Variants in ERC2 observed in about 807,000 individuals in gnomAD.
ERC2 encodes ELKS/RAB6-interacting/CAST family member 2.
A neutral mutation model predicts 114.8 loss-of-function variants in ERC2; 42 were observed. That is an observed-to-expected ratio of 0.37 (90% CI 0.29 to 0.47). The LOEUF (loss-of-function observed/expected upper bound fraction) is 0.47. ERC2 is among the 20% of genes least tolerant of loss of function. The pLI, the probability that ERC2 is intolerant of heterozygous loss-of-function variation, is 0.99. For synonymous variants in ERC2, 454 were observed against 425.5 expected, an observed-to-expected ratio of 1.07 and a Z score of -0.82; for missense variants, 939 against 1,150.7, an observed-to-expected ratio of 0.82 and a Z score of 2.66.
At chr3:55,571,366 C>G (rs2056703744) in intron 17 of ERC2, among the ~76,000 whole-genome samples, 1 of 152,078 alleles carries the variant, frequency 6.6e-6, no homozygotes, top group Admixed American at 6.5e-5. Context: ...TGACTTGGAG[C>G]TCACCTTTTA....
chr3:56,088,715 C>T (rs1424232687), intron 6 of ERC2, among the ~76,000 whole-genome samples: 1 of 152,064 alleles, frequency 6.6e-6, no homozygotes, highest in East Asian at 1.9e-4. Flanking sequence ...ATAACAATGG[C>T]CTTTCAAATG....
intron 12 of ERC2, among the ~76,000 whole-genome samples, chr3:55,978,356 C>T (rs1218410975): frequency 6.6e-6 from 1 of 152,160 alleles, no homozygotes; most frequent in Non-Finnish European, 1.5e-5. Context: ...TCTATGTTCA[C>T]TTATTCATAT....
chr3:56,398,384 G>A (rs1344990395), intron 2 of ERC2, among the ~76,000 whole-genome samples: 1 of 152,090 alleles, frequency 6.6e-6, no homozygotes, highest in Admixed American at 6.6e-5. Flanking sequence ...GAAAAGTAGG[G>A]TTGCCAGATA....
intron 3 of ERC2, among the ~76,000 whole-genome samples, chr3:56,192,921 A>G (rs1000282531): frequency 6.6e-6 from 1 of 152,202 alleles, no homozygotes; most frequent in African/African-American, 2.4e-5. Context: ...CCCACTAAGT[A>G]GTACCACTAA....
At chr3:55,727,968 C>G (rs1357329533) in intron 15 of ERC2, among the ~76,000 whole-genome samples, 2 of 152,176 alleles carry the variant, frequency 1.3e-5, no homozygotes, top group Non-Finnish European at 2.9e-5. Context: ...CAGGCCTCAT[C>G]TTCTCTATCA....
chr3:56,334,915 G>A (rs760106123), intron 2 of ERC2, among the ~76,000 whole-genome samples: 12 of 152,116 alleles, frequency 7.9e-5, no homozygotes, highest in Non-Finnish European at 1.3e-4. Context: ...GGTGATCCTC[G>A]TGCCTCAGTC....
chr3:56,186,816 G>A (rs1161456625), intron 3 of ERC2, among the ~76,000 whole-genome samples: 1 of 152,144 alleles, frequency 6.6e-6, no homozygotes, highest in African/African-American at 2.4e-5. Context: ...TGGGATTACA[G>A]GCATAAGCCA....
At chr3:55,590,068 CA>C (rs1476460040) in intron 17 of ERC2, among the ~76,000 whole-genome samples, 4 of 152,122 alleles carry the variant, frequency 2.6e-5, no homozygotes, top group East Asian at 1.9e-4. Context: ...TAAGACAATA[CA>C]TTTTTTTGAA....
intron 3 of ERC2, among the ~76,000 whole-genome samples, chr3:56,195,731 G>A (rs531607588): frequency 3.2e-4 from 48 of 152,160 alleles, no homozygotes; most frequent in African/African-American, 1.1e-3. Flanking sequence ...GGACTCTGAG[G>A]CAGGAAGATC....
intron 7 of ERC2, among the ~76,000 whole-genome samples, chr3:56,032,903 GAA>G (rs2074470245): frequency 1.5e-3 from 56 of 36,728 alleles, no homozygotes; most frequent in Middle Eastern, 0.011. Flanking sequence ...GAGAGAGACA[GAA>G]AGAAAGAAAG....
chr3:56,119,344 A>C (rs2079441183), intron 6 of ERC2, among the ~76,000 whole-genome samples: 1 of 152,236 alleles, frequency 6.6e-6, no homozygotes, highest in African/African-American at 2.4e-5. Context: ...GGATCATGTG[A>C]AATTGACTTG....
intron 14 of ERC2, among the ~76,000 whole-genome samples, chr3:55,838,940 G>T (rs1040824459): frequency 6.6e-6 from 1 of 151,680 alleles, no homozygotes; most frequent in East Asian, 1.9e-4. Flanking sequence ...ACTCATGAAG[G>T]TACCATAAAA....
At chr3:56,338,988 A>G (rs1249511641) in intron 2 of ERC2, among the ~76,000 whole-genome samples, 1 of 152,196 alleles carries the variant, frequency 6.6e-6, no homozygotes, top group Non-Finnish European at 1.5e-5. Context: ...AGAGTAGCAA[A>G]GGCCAGCAAA....
In ERC2 at chr3:55,856,335, C is replaced by T. The variant is rs987789446; in HGVS notation, c.2564+32054G>A. Among the ~76,000 whole-genome samples, 11 of 152,146 alleles carry T rather than the reference C, an allele frequency of 7.2e-5. No homozygotes were observed. The East Asian group carries it at 7.7e-4, about 11-fold the overall frequency. Reference sequence around the variant, plus strand: ...GGGTTTGAAAGAGAGAAAGACCAAACGATAAACTATAGATCAGGAAGAATT... The same window carrying T: ...GGGTTTGAAAGAGAGAAAGACCAAATGATAAACTATAGATCAGGAAGAATT... On this transcript the variant is annotated intron_variant, in intron 14 of 17. Transcript: ENST00000288221.
chr3:56,393,607 T>C (rs756706202), intron 2 of ERC2, among the ~76,000 whole-genome samples: 2 of 152,192 alleles, frequency 1.3e-5, no homozygotes, highest in African/African-American at 4.8e-5. Context: ...AAACCAAAGA[T>C]TAAATCTGTC....
intron 2 of ERC2, among the ~76,000 whole-genome samples, chr3:56,432,427 C>G (rs912102272): frequency 3.9e-5 from 6 of 152,160 alleles, no homozygotes; most frequent in Admixed American, 6.5e-5. Context: ...ATTGTACAAA[C>G]AGGTTCATAA....
At position 55,561,175 on chromosome 3, in the gene ERC2, G is replaced by C. The variant is rs535860270; in HGVS notation, c.*40-49899C>G. Among the ~76,000 whole-genome samples the C allele has an allele frequency of 1.9e-4, 28 of 150,836 alleles. 1 individual carries two copies. The highest frequency in any genetic ancestry group is 6.8e-4 in the African/African-American group (28 of 40,884). ...TTCTTTAAAAAAAAAAAAAAATTAA[G>C]AGCAAGAAGAAAAACTTTGGGCTAG... is the stretch of plus-strand genomic sequence containing the variant. On this transcript the variant is annotated intron_variant, in intron 17 of 17. Transcript: ENST00000288221.
At chr3:56,459,861 A>G (rs756771572) in intron 1 of ERC2, among the ~76,000 whole-genome samples, 1 of 152,210 alleles carries the variant, frequency 6.6e-6, no homozygotes, top group Non-Finnish European at 1.5e-5. Flanking sequence ...GGTGCCAGCA[A>G]CTAGAGATTC....
chr3:56,398,645 G>A (rs758953750), intron 2 of ERC2, among the ~76,000 whole-genome samples: 14 of 151,728 alleles, frequency 9.2e-5, no homozygotes, highest in Non-Finnish European at 1.9e-4. Context: ...TTTTTTTAGA[G>A]ACAGGCTCTC....
Sources: allele counts gnomAD v4.1 joint callset (sites outside exome capture counted in the v4.1 genomes callset), GRCh38; gene constraint gnomAD v4.1.1; transcripts MANE v1.5; gene names NCBI Gene and HGNC (gene_info 2026-07-23, HGNC 2026-07-21).